The following CHN1 variants were observed in gnomAD, a reference collection of about 807,000 sequenced individuals.
CHN1 encodes the protein chimerin 1.
In CHN1, 37 loss-of-function variants were observed where a neutral mutation model predicts 59.5. The ratio of observed to expected loss-of-function variants is 0.62; its 90% CI spans 0.48 to 0.82. The LOEUF is 0.82. CHN1 is among the 40% of genes least tolerant of loss of function. The pLI, the probability that CHN1 is intolerant of heterozygous loss-of-function variation, is 0.00. For missense variants in CHN1, 469 were observed against 571.0 expected, an observed-to-expected ratio of 0.82 and a Z score of 1.82; for synonymous variants, 206 against 200.4, an observed-to-expected ratio of 1.03 and a Z score of -0.24.
chr2:174,868,425 A>G (rs911938206), intron 6 of CHN1, among the ~76,000 whole-genome samples: 1 of 152,160 alleles, frequency 6.6e-6, no homozygotes, highest in Admixed American at 6.5e-5. Flanking sequence ...GATAGGTCAC[A>G]AGAAGAGACT....
intron 1 of CHN1, among the ~76,000 whole-genome samples, chr2:174,975,987 A>G (rs186156739): frequency 0.01 from 1,535 of 151,230 alleles, 31 homozygotes; most frequent in African/African-American, 0.035. Flanking sequence ...TTAGCCGGGC[A>G]TGGTGGCGGG....
chr2:174,924,832 T>C (rs1558983948), intron 3 of CHN1, among the ~76,000 whole-genome samples: 2 of 150,750 alleles, frequency 1.3e-5, no homozygotes, highest in African/African-American at 5.0e-5. Context: ...ATATGCTTCT[T>C]TCTAAGTTTT....
At position 174,875,423 on chromosome 2, in the gene CHN1, CCTT is replaced by C. The variant is rs962623232; in HGVS notation, c.549+2414_549+2416del. ...GTATTCCTTTTGGTACTATTGTTGTCCTTCTTCTACAATACCTACACTCCTTAA... is the reference window on the plus strand; with the variant it reads ...GTATTCCTTTTGGTACTATTGTTGTCCTTCTACAATACCTACACTCCTTAA... On this transcript the variant is annotated intron_variant, in intron 6 of 12. Coordinates refer to ENST00000409900, the MANE Select transcript of CHN1 (RefSeq NM_001822.7). Among the ~76,000 whole-genome samples, 9 of 152,166 alleles carry C rather than the reference CCTT, an allele frequency of 5.9e-5. No homozygotes were observed. The East Asian group carries it at 7.7e-4, about 13-fold the overall frequency.
At chr2:174,924,568 T>C (rs902263302) in intron 3 of CHN1, among the ~76,000 whole-genome samples, 1 of 152,162 alleles carries the variant, frequency 6.6e-6, no homozygotes, top group African/African-American at 2.4e-5. Flanking sequence ...TCTAATAGGG[T>C]AGAGAAGTTT....
intron 1 of CHN1, among the ~76,000 whole-genome samples, chr2:174,971,644 G>A (rs191079695): frequency 1.3e-5 from 2 of 152,070 alleles, no homozygotes; most frequent in Non-Finnish European, 1.5e-5. Flanking sequence ...AATGTTATAA[G>A]GTATTATTAC....
chr2:174,887,799 A>G (rs1271062265), intron 5 of CHN1, among the ~76,000 whole-genome samples: 4 of 152,216 alleles, frequency 2.6e-5, no homozygotes, highest in African/African-American at 9.6e-5. Flanking sequence ...AGATTTCTGC[A>G]GTTTCCTATT....
chr2:174,931,062 C>A (rs1253768051), intron 3 of CHN1, among the ~76,000 whole-genome samples: 1 of 151,848 alleles, frequency 6.6e-6, no homozygotes, highest in Non-Finnish European at 1.5e-5. Flanking sequence ...GCCACTGCGC[C>A]AGGCCTATAG....
intron 1 of CHN1, among the ~76,000 whole-genome samples, chr2:174,980,585 A>T (rs889155297): frequency 6.6e-6 from 1 of 152,172 alleles, no homozygotes; most frequent in Non-Finnish European, 1.5e-5. Context: ...CTTAAAGTAA[A>T]ATTGGAAGCA....
intron 7 of CHN1, among the ~76,000 whole-genome samples, chr2:174,841,536 G>GT (rs1686301995): frequency 6.6e-6 from 1 of 152,162 alleles, no homozygotes; most frequent in Non-Finnish European, 1.5e-5. Flanking sequence ...CAGAACCTAT[G>GT]CTACATACTG....
chr2:174,875,058 G>A lies in CHN1; in HGVS notation c.549+2782C>T, dbSNP rs1687524867. Among the ~76,000 whole-genome samples the A allele has an allele frequency of 2.6e-5, 4 of 151,680 alleles. No individual in the cohort carries two copies. In the South Asian group the frequency reaches 6.2e-4, roughly 24 times the overall value. ...CCGGCTAATTTTTGTATTTTTAGTA[G>A]AGACGAGGTTTCACCATGTTGGCCA... On this transcript the variant is annotated intron_variant, in intron 6 of 12. Coordinates refer to ENST00000409900, the MANE Select transcript of CHN1 (RefSeq NM_001822.7).
chr2:174,916,754 G>A (rs1056710780), intron 4 of CHN1, among the ~76,000 whole-genome samples: 1 of 152,148 alleles, frequency 6.6e-6, no homozygotes, highest in African/African-American at 2.4e-5. Flanking sequence ...TTGAGAACTA[G>A]GTCCAAAGGC....
At chr2:174,983,857 C>G (rs1489212856) in intron 1 of CHN1, among the ~76,000 whole-genome samples, 1 of 151,332 alleles carries the variant, frequency 6.6e-6, no homozygotes, top group East Asian at 1.9e-4. Flanking sequence ...AATAAATAAG[C>G]TAGCCAATCA....
intron 7 of CHN1, among the ~76,000 whole-genome samples, chr2:174,841,098 A>AAGAT (rs936124456): frequency 1.9e-4 from 29 of 152,342 alleles, no homozygotes; most frequent in African/African-American, 6.0e-4. Flanking sequence ...CTAGTCCCAT[A>AAGAT]AGATAGCTAC....
chr2:174,957,837 T>G (rs1378774225), intron 1 of CHN1, among the ~76,000 whole-genome samples: 1 of 152,140 alleles, frequency 6.6e-6, no homozygotes, highest in Non-Finnish European at 1.5e-5. Flanking sequence ...AATTTTTGTT[T>G]GCCTGGGGCC....
chr2:174,953,024 G>A (rs1212103860), intron 1 of CHN1, among the ~76,000 whole-genome samples: 1 of 152,132 alleles, frequency 6.6e-6, no homozygotes, highest in African/African-American at 2.4e-5. Flanking sequence ...CAAAAGCTCT[G>A]CCTGCAAGAC....
rs566681468 is a variant in CHN1, at chr2:174,843,865, T to G, written c.627+3015A>C. 3.9e-5 allele frequency among the ~76,000 whole-genome samples: 6 copies of G among 152,208 alleles called. No homozygotes were observed. In the South Asian group the frequency reaches 1.2e-3, roughly 32 times the overall value. ...GCTCCTGAGGGCAAAGGCTGGATCT[T>G]ATTTATCATTTTACCCAGAAAGCCT... On this transcript the variant is annotated intron_variant, in intron 7 of 12. Transcript: ENST00000409900.
At chr2:174,962,663 C>G (rs1018254188) in intron 1 of CHN1, among the ~76,000 whole-genome samples, 3 of 18,048 alleles carry the variant, frequency 1.7e-4, no homozygotes, top group Non-Finnish European at 3.7e-4. Context: ...TTGGAAGGCC[C>G]GGGGGGGGGG....
intron 1 of CHN1, 119 bp downstream of exon 1, chr2:175,004,775 G>GCCCGC: frequency 2.5e-6 from 1 of 402,282 alleles, no homozygotes; most frequent in Non-Finnish European, 3.4e-6. Context: ...TGCGGCCCCG[G>GCCCGC]CCCGCCCCGA....
At chr2:174,875,914 T>A in intron 6 of CHN1, 1 of 731,752 alleles carries the variant, frequency 1.4e-6, no homozygotes, top group Non-Finnish European at 1.7e-6. Flanking sequence ...TTAAGCCAGC[T>A]AGATTTAAGA....
Sources: gnomAD v4.1 joint callset for allele counts (sites outside exome capture counted in the v4.1 genomes callset) on GRCh38, gnomAD v4.1.1 for gene constraint, MANE v1.5 for transcripts, NCBI Gene and HGNC (gene_info 2026-07-23, HGNC 2026-07-21) for gene names.